MEIOSIN: variants seen among roughly 807,000 people sequenced by gnomAD.
MEIOSIN encodes meiosis initiator.
Under a neutral mutation model 23.4 loss-of-function variants are expected in MEIOSIN, and 18 were observed. That is an observed-to-expected ratio of 0.77 (90% CI 0.53 to 1.14). MEIOSIN has a LOEUF of 1.14. Among genes scored for constraint, MEIOSIN ranks in the 50% most tolerant of loss-of-function variants. The pLI is 0.00. For synonymous variants in MEIOSIN, 187 were observed against 100.6 expected, an observed-to-expected ratio of 1.86 and a Z score of -5.14; for missense variants, 428 against 242.9, an observed-to-expected ratio of 1.76 and a Z score of -5.07.
In MEIOSIN at chr19:45,757,178, C is replaced by A; in HGVS notation, c.913C>A (p.Gln305Lys). The stretch of plus-strand genomic sequence containing the variant: ...ACTCTGAAACTCCACCTCTTGCAGG[C>A]AGAAGCTGGTGTTCTATGATTCCAG... ...FLNKTQPHPR[Q>K]KLVFYDSSED... Residue 305 changes from glutamine to lysine, a missense_variant and splice_region_variant, in exon 9 of 15, where the codon CAG becomes AAG. By Grantham distance (53) the Gln-to-Lys change is moderately conservative. Transcript: ENST00000457052. The A allele has an allele frequency of 1.4e-6, 1 of 702,838 alleles. No homozygotes were observed. The highest frequency in any genetic ancestry group is 2.6e-6 in the Non-Finnish European group (1 of 384,902). The allele number at this position is 702,838 out of a possible 1,614,324, so 43.5% of individuals were successfully genotyped here.
intron 8 of MEIOSIN, 37 bp from the exon 9 acceptor site, chr19:45,757,140 G>A (rs745442923): frequency 1.4e-6 from 1 of 701,730 alleles, no homozygotes; most frequent in East Asian, 2.7e-5. Context: ...CTAGCCCAGA[G>A]TCTGTGAGTC....
At chr19:45,761,130 T>C (rs1379140781) in intron 11 of MEIOSIN, among the ~76,000 whole-genome samples, 1 of 32,276 alleles carries the variant, frequency 3.1e-5, no homozygotes, top group Non-Finnish European at 5.4e-5. Context: ...ATTCAATTTC[T>C]TTTTTTTTTT....
intron 4 of MEIOSIN, among the ~76,000 whole-genome samples, chr19:45,747,013 G>A (rs1386609726): frequency 2.0e-5 from 3 of 152,142 alleles, no homozygotes; most frequent in Admixed American, 6.6e-5. Context: ...GGCATGCATA[G>A]GTGCTGGAAT....
chr19:45,752,938 T>C (rs1368865633), intron 5 of MEIOSIN, among the ~76,000 whole-genome samples: 1 of 149,746 alleles, frequency 6.7e-6, no homozygotes, highest in Non-Finnish European at 1.5e-5. Flanking sequence ...TTTTTTTTTT[T>C]CTGAGGCGGA....
At chr19:45,760,537 C>A (rs889635230) in intron 11 of MEIOSIN, among the ~76,000 whole-genome samples, 6 of 151,680 alleles carry the variant, frequency 4.0e-5, no homozygotes, top group African/African-American at 1.5e-4. Flanking sequence ...ACCTGGGAGG[C>A]GGGGGTTGCA....
At chr19:45,741,687 G>A (rs1003400149) in intron 3 of MEIOSIN, among the ~76,000 whole-genome samples, 3 of 151,616 alleles carry the variant, frequency 2.0e-5, no homozygotes, top group Admixed American at 6.6e-5. Flanking sequence ...CTCCAGCCTG[G>A]GCAACAGAGC....
At chr19:45,758,588 C>G (rs1968880366) in intron 9 of MEIOSIN, among the ~76,000 whole-genome samples, 1 of 151,924 alleles carries the variant, frequency 6.6e-6, no homozygotes, top group Non-Finnish European at 1.5e-5. Context: ...GCCACTACCC[C>G]CAGCTAAGTT....
chr19:45,746,932 T>G (rs565201042), intron 4 of MEIOSIN, among the ~76,000 whole-genome samples: 1 of 152,264 alleles, frequency 6.6e-6, no homozygotes, highest in African/African-American at 2.4e-5. Flanking sequence ...CATGGACATC[T>G]TTGGAACTTT....
chr19:45,757,174 C>T lies in MEIOSIN; in HGVS notation c.912-3C>T, dbSNP rs1485228857. ...TCTGACTCTGAAACTCCACCTCTTG[C>T]AGGCAGAAGCTGGTGTTCTATGATT... On this transcript the variant is annotated splice_polypyrimidine_tract_variant and splice_region_variant and intron_variant, in intron 8 of 14. Coordinates refer to ENST00000457052, the MANE Select transcript of MEIOSIN (RefSeq NM_001310124.2). The T allele has an allele frequency of 2.8e-6, 2 of 702,734 alleles. No homozygotes were observed. The highest frequency in any genetic ancestry group is 2.6e-6 in the Non-Finnish European group (1 of 384,824). The allele number at this position is 702,734 out of a possible 1,614,324, so 43.5% of individuals were successfully genotyped here.
rs142161646 is a variant in MEIOSIN at position 45,736,553 on chromosome 19, G to C, written c.71+1106G>C. Among the ~76,000 whole-genome samples, 52 of 151,786 alleles carry C rather than the reference G, an allele frequency of 3.4e-4. 1 individual carries two copies. The East Asian group carries it at 9.8e-3, about 28-fold the overall frequency. ...AATTTTTTTGTGTGTATTTTTAGTA[G>C]AGACAGGGTCTCACTGTGTTGGCCA... On this transcript the variant is annotated intron_variant, in intron 2 of 14. Coordinates refer to ENST00000457052, the MANE Select transcript of MEIOSIN (RefSeq NM_001310124.2).
At chr19:45,742,514 T>G (rs1968523599) in intron 3 of MEIOSIN, among the ~76,000 whole-genome samples, 1 of 151,654 alleles carries the variant, frequency 6.6e-6, no homozygotes, top group African/African-American at 2.4e-5. Flanking sequence ...GCGCGGTGGC[T>G]CACGCCTGTA....
At chr19:45,747,965 TC>T (rs1331136691) in intron 4 of MEIOSIN, among the ~76,000 whole-genome samples, 1 of 151,808 alleles carries the variant, frequency 6.6e-6, no homozygotes, top group Non-Finnish European at 1.5e-5. Flanking sequence ...CCAGCCATGG[TC>T]CCCGCTACCC....
intron 3 of MEIOSIN, among the ~76,000 whole-genome samples, chr19:45,741,874 AT>A (rs1968511765): frequency 6.6e-6 from 1 of 151,792 alleles, no homozygotes; most frequent in African/African-American, 2.4e-5. Flanking sequence ...TTTATTATTT[AT>A]TTATTTATTT....
At chr19:45,742,848 C>T (rs1968530452) in intron 3 of MEIOSIN, among the ~76,000 whole-genome samples, 1 of 152,090 alleles carries the variant, frequency 6.6e-6, no homozygotes, top group African/African-American at 2.4e-5. Context: ...GGCAACAGAA[C>T]ATTCCAAACA....
rs763922582 is a variant in MEIOSIN, at chr19:45,761,968, G to C, written c.1464G>C (p.Pro488=). ...TGCAGGCCAACCCTGTGGGCACGCC[G>C]GGCTCCAGCGAAGAGGACGAAGACA... The part of the protein sequence containing the change: ...EDMQANPVGT[P]GSSEEDEDTT... Residue 488 remains proline (P), a synonymous_variant, in exon 13 of 15, where the codon CCG becomes CCC. Coordinates refer to ENST00000457052, the MANE Select transcript of MEIOSIN (RefSeq NM_001310124.2). 1.8e-6 allele frequency: 1 copy of C among 561,376 alleles called. No individual in the cohort carries two copies. Among genetic ancestry groups the C allele is most frequent in the Non-Finnish European group, 3.2e-6 (1 of 313,972 alleles). 34.8% of individuals were successfully genotyped at this position (561,376 alleles called of 1,614,324 possible).
intron 8 of MEIOSIN, 130 bp downstream of exon 8, chr19:45,756,208 C>T (rs1202386410): frequency 4.9e-6 from 3 of 610,388 alleles, no homozygotes; most frequent in Non-Finnish European, 8.8e-6. Context: ...GGAGGCCCAG[C>T]TTTGTGTCTG....
chr19:45,761,789 A>ATCCAGG lies in MEIOSIN; in HGVS notation c.1361_1362insGTCCAG (p.Ser453_Ser454insArgSer), dbSNP rs1568561049. 3.0e-6 allele frequency: 2 copies of ATCCAGG among 671,080 alleles called. No homozygotes were observed. The highest frequency in any genetic ancestry group is 3.6e-5 in the African/African-American group (2 of 55,782). 41.6% of individuals were successfully genotyped at this position (671,080 alleles called of 1,614,324 possible). The stretch of plus-strand genomic sequence containing the variant: ...CGCTGAGCGGGAACAGCAAGGCGCC[A>ATCCAGG]TCCAGCTCCAGCTCCAGCTCCAGCT... On this transcript the variant is annotated inframe_insertion, in exon 12 of 15. Coordinates refer to ENST00000457052, the MANE Select transcript of MEIOSIN (RefSeq NM_001310124.2).
At chr19:45,743,251 C>T (rs879305344) in intron 3 of MEIOSIN, among the ~76,000 whole-genome samples, 3 of 152,276 alleles carry the variant, frequency 2.0e-5, no homozygotes, top group Non-Finnish European at 4.4e-5. Flanking sequence ...TATATGAAAC[C>T]CTCTGAGACG....
intron 8 of MEIOSIN, 110 bp from the exon 9 acceptor site, chr19:45,757,067 T>C: frequency 1.6e-6 from 1 of 617,880 alleles, no homozygotes; most frequent in South Asian, 1.9e-5. Flanking sequence ...CTGACTGAGC[T>C]TTACACCCCC....
Sources: gnomAD v4.1 joint callset for allele counts (sites outside exome capture counted in the v4.1 genomes callset) on GRCh38, gnomAD v4.1.1 for gene constraint, MANE v1.5 for transcripts, NCBI Gene and HGNC (gene_info 2026-07-23, HGNC 2026-07-21) for gene names.